NXPE1: variants seen among roughly 807,000 people sequenced by gnomAD.
The protein encoded by NXPE1 is neurexophilin and PC-esterase domain family member 1, also known as NXPE family member 1.
Under a neutral mutation model 33.3 loss-of-function variants are expected in NXPE1, and 31 were observed. The observed-to-expected ratio is 0.93, with a 90% confidence interval of 0.70 to 1.26. NXPE1 has a LOEUF of 1.26. NXPE1 is among the 50% of genes most tolerant of loss of function. The pLI is 0.00. For missense variants in NXPE1, 661 were observed against 655.6 expected, an observed-to-expected ratio of 1.01 and a Z score of -0.09; for synonymous variants, 229 against 231.4, an observed-to-expected ratio of 0.99 and a Z score of 0.09.
At chr11:114,521,294 G>T (rs1469409943), downstream of NXPE1, among the ~76,000 whole-genome samples, 1 of 152,098 alleles carries the variant, frequency 6.6e-6, no homozygotes, top group Non-Finnish European at 1.5e-5. Flanking sequence ...TTTTTGTATT[G>T]CTATGACCTC....
chr11:114,553,506 T>C (rs1375225849), intron 1 of NXPE1, among the ~76,000 whole-genome samples: 1 of 152,232 alleles, frequency 6.6e-6, no homozygotes, highest in African/African-American at 2.4e-5. Context: ...GGAATTTTAC[T>C]GATGGCAGAG....
chr11:114,531,075 A>C (rs1194289023), intron 5 of NXPE1, among the ~76,000 whole-genome samples, 167 bp from the exon 6 acceptor site: 1 of 151,942 alleles, frequency 6.6e-6, no homozygotes. Flanking sequence ...AAAAGAGAAG[A>C]GAAACAAGGA....
At chr11:114,554,423 A>C (rs571543639) in intron 1 of NXPE1, 1 of 978,104 alleles carries the variant, frequency 1.0e-6, no homozygotes, top group African/African-American at 1.8e-5. Flanking sequence ...GTTCTTAAAC[A>C]TTCTTTGTGA....
intron 5 of NXPE1, among the ~76,000 whole-genome samples, chr11:114,538,761 G>A (rs9734902): frequency 0.22 from 33,860 of 151,260 alleles, 5,239 homozygotes; most frequent in African/African-American, 0.44. Flanking sequence ...TTAGAATGGC[G>A]ATCATTAAAA....
At chr11:114,523,966 C>G (rs961608537) in intron 7 of NXPE1, among the ~76,000 whole-genome samples, 1 of 152,214 alleles carries the variant, frequency 6.6e-6, no homozygotes, top group African/African-American at 2.4e-5. Context: ...TTCTGTCTCA[C>G]ATAACAGGCC....
chr11:114,530,675 T>C (rs1947546782), exon 6 of NXPE1: 3 of 1,614,194 alleles, frequency 1.9e-6, no homozygotes, highest in Non-Finnish European at 2.5e-6. Context: ...CCCTGCAGTA[T>C]GTATCTCGAG....
chr11:114,551,321 T>A, intron 4 of NXPE1, 62 bp downstream of exon 4: 7 of 1,376,184 alleles, frequency 5.1e-6, no homozygotes, highest in Non-Finnish European at 5.8e-6. Flanking sequence ...TCTCCTTTTG[T>A]GAGTCACTGT....
intron 5 of NXPE1, among the ~76,000 whole-genome samples, chr11:114,538,338 C>T (rs182343999): frequency 8.7e-4 from 133 of 152,230 alleles, no homozygotes; most frequent in African/African-American, 3.0e-3. Flanking sequence ...AGAAGAAAAC[C>T]TAGGCAGTAC....
intron 7 of NXPE1, among the ~76,000 whole-genome samples, chr11:114,525,384 G>A (rs949466153): frequency 6.6e-6 from 1 of 151,922 alleles, no homozygotes; most frequent in Non-Finnish European, 1.5e-5. Context: ...GATATAAAAA[G>A]AAAAACAAGT....
intron 7 of NXPE1, among the ~76,000 whole-genome samples, chr11:114,524,236 C>T (rs1947299418): frequency 1.3e-5 from 2 of 151,204 alleles, no homozygotes; most frequent in South Asian, 4.2e-4. Context: ...ATGGCCACAA[C>T]TAGATATAAG....
In NXPE1 at chr11:114,552,894, G is replaced by T. The variant is rs925186238; in HGVS notation, c.-210-14C>A. 3.1e-5 allele frequency: 30 copies of T among 972,864 alleles called. No homozygotes were observed. Among genetic ancestry groups the T allele is most frequent in the Non-Finnish European group, 3.5e-5 (29 of 818,678 alleles). The allele number at this position is 972,864 out of a possible 1,614,324, so 60.3% of individuals were successfully genotyped here. On this transcript the variant is annotated splice_polypyrimidine_tract_variant and intron_variant, in intron 1 of 8. Transcript: ENST00000534921. Reference sequence around the variant, plus strand: ...GCACAGAATGCACTGAAAATAAGGAGAAGCAGCAAAATTAATGAAATAAAC... The same window carrying T: ...GCACAGAATGCACTGAAAATAAGGATAAGCAGCAAAATTAATGAAATAAAC...
chr11:114,557,201 T>G (rs192555143), intron 1 of NXPE1, among the ~76,000 whole-genome samples: 79 of 152,284 alleles, frequency 5.2e-4, no homozygotes, highest in African/African-American at 1.8e-3. Flanking sequence ...GCCCCCTTTT[T>G]GACCTCTTGT....
At position 114,527,427 on chromosome 11, in the gene NXPE1, A is replaced by G. The variant is rs368022836; in HGVS notation, c.895+413T>C. 7.9e-5 allele frequency among the ~76,000 whole-genome samples: 12 copies of G among 152,354 alleles called. No individual in the cohort carries two copies. The East Asian group carries it at 1.3e-3, about 17-fold the overall frequency. Reference sequence around the variant, plus strand: ...AGGGCTTTGTGTTTGTCTTTAAAACATATAATCAGATGAAAGCTCCATATA... The same window carrying G: ...AGGGCTTTGTGTTTGTCTTTAAAACGTATAATCAGATGAAAGCTCCATATA... On this transcript the variant is annotated intron_variant, in intron 7 of 8. Transcript: ENST00000534921.
intron 7 of NXPE1, among the ~76,000 whole-genome samples, chr11:114,525,344 C>G (rs879400670): frequency 1.3e-5 from 2 of 151,842 alleles, no homozygotes; most frequent in Non-Finnish European, 2.9e-5. Context: ...CATCCTAATT[C>G]TTAAAACCTG....
chr11:114,526,949 A>G (rs947242910), intron 7 of NXPE1, among the ~76,000 whole-genome samples: 1 of 152,176 alleles, frequency 6.6e-6, no homozygotes, highest in Non-Finnish European at 1.5e-5. Context: ...TTCTCTGACT[A>G]CACGTATCCT....
chr11:114,530,327 A>G (rs1418776090), exon 6 of NXPE1: 3 of 1,614,108 alleles, frequency 1.9e-6, no homozygotes, highest in East Asian at 2.2e-5. Context: ...AGAGTTCAGC[A>G]TTTGAGTTTA....
chr11:114,558,759 A>T (rs1285615500), intron 1 of NXPE1, among the ~76,000 whole-genome samples: 1 of 152,188 alleles, frequency 6.6e-6, no homozygotes, highest in Non-Finnish European at 1.5e-5. Flanking sequence ...ATCGTTTTGA[A>T]AGCAGAATGG....
chr11:114,538,061 G>A (rs1947912478), intron 5 of NXPE1, among the ~76,000 whole-genome samples: 2 of 152,078 alleles, frequency 1.3e-5, no homozygotes, highest in Admixed American at 1.3e-4. Flanking sequence ...AAACAGCATG[G>A]TACTGGTACC....
At chr11:114,524,204 C>T (rs998776057) in intron 7 of NXPE1, among the ~76,000 whole-genome samples, 2 of 152,162 alleles carry the variant, frequency 1.3e-5, no homozygotes, top group Non-Finnish European at 2.9e-5. Flanking sequence ...TTCCCACTTG[C>T]ACTTCTGGAA....
Sources: gnomAD v4.1 joint callset for allele counts (sites outside exome capture counted in the v4.1 genomes callset) on GRCh38, gnomAD v4.1.1 for gene constraint, MANE v1.5 for transcripts, NCBI Gene and HGNC (gene_info 2026-07-23, HGNC 2026-07-21) for gene names.